PPFIA1: variants seen among roughly 807,000 people sequenced by gnomAD.
The protein encoded by PPFIA1 is liprin-alpha-1.
Under a neutral mutation model 149.9 loss-of-function variants are expected in PPFIA1, and 25 were observed. The ratio of observed to expected loss-of-function variants is 0.17; its 90% CI spans 0.12 to 0.23. The LOEUF (loss-of-function observed/expected upper bound fraction) is 0.23, where lower values mean the gene tolerates loss of function less well. Among genes scored for constraint, PPFIA1 ranks in the 10% least tolerant of loss-of-function variants. The pLI is 1.00. For missense variants in PPFIA1, 1,362 were observed against 1,506.5 expected (o/e 0.90, Z 1.59); for synonymous variants, 549 against 552.8 (o/e 0.99, Z 0.10).
chr11:70,341,008 G>T, intron 14 of PPFIA1: 1 of 351,746 alleles, frequency 2.8e-6, no homozygotes, highest in South Asian at 2.0e-5. Flanking sequence ...AGCCTTTCCA[G>T]TCCTGGTCTT....
At chr11:70,310,048 A>G (rs903314146) in intron 2 of PPFIA1, among the ~76,000 whole-genome samples, 7 of 152,224 alleles carry the variant, frequency 4.6e-5, no homozygotes, top group African/African-American at 1.7e-4. Flanking sequence ...TAAAAGCAGT[A>G]TGGTCATAAA....
chr11:70,372,511 A>T lies in PPFIA1; in HGVS notation c.3076A>T (p.Arg1026Trp), dbSNP rs375948131. The change falls in exon 23 of 28, where the codon AGG becomes TGG. Residue 1026 changes from arginine (R) to tryptophan (W), a missense_variant. Around this residue, in one of 7 missense-constraint regions of PPFIA1, gnomAD observed 349 missense variants for 373.3 expected, o/e 0.93. Coordinates refer to ENST00000253925, the MANE Select transcript of PPFIA1 (RefSeq NM_003626.5). ...SFQCGIMCLRRLNYDRKELER... is the reference protein window; with the variant it reads ...SFQCGIMCLRWLNYDRKELER... ...CCAGTGTGGAATTATGTGCCTGAGA[A>T]GGTTAAATTATGACCGGAAAGAACT... 35 of 1,613,938 alleles carry T rather than the reference A, an allele frequency of 2.2e-5. No individual in the cohort carries two copies. The highest frequency in any genetic ancestry group is 2.7e-5 in the Non-Finnish European group (32 of 1,179,932).
intron 12 of PPFIA1, among the ~76,000 whole-genome samples, chr11:70,337,972 A>G (rs574881132): frequency 2.0e-5 from 3 of 152,360 alleles, no homozygotes; most frequent in Middle Eastern, 6.8e-3. Context: ...GAGATCAAGT[A>G]TACCCATGAC....
At chr11:70,336,481 G>A (rs954197569) in intron 11 of PPFIA1, among the ~76,000 whole-genome samples, 1 of 148,526 alleles carries the variant, frequency 6.7e-6, no homozygotes. Context: ...CATTCAGCCT[G>A]TGTGACAGAG....
At chr11:70,313,487 T>C (rs914194836) in intron 2 of PPFIA1, among the ~76,000 whole-genome samples, 2 of 152,142 alleles carry the variant, frequency 1.3e-5, no homozygotes, top group Non-Finnish European at 2.9e-5. Context: ...GCAGCTTTTT[T>C]AGTAGACCAA....
At chr11:70,376,697 C>G (rs1353615751) in intron 25 of PPFIA1, 97 bp downstream of exon 25, 2 of 1,028,650 alleles carry the variant, frequency 1.9e-6, no homozygotes, top group African/African-American at 1.6e-5. Context: ...ATACTTGGGA[C>G]ATCATGTAGC....
chr11:70,307,354 A>G (rs745476505), intron 2 of PPFIA1, among the ~76,000 whole-genome samples: 2 of 152,220 alleles, frequency 1.3e-5, no homozygotes, highest in Non-Finnish European at 2.9e-5. Context: ...ATTATGATTC[A>G]TATTCTTTGT....
At chr11:70,357,511 C>CT (rs2056414000) in intron 19 of PPFIA1, among the ~76,000 whole-genome samples, 1 of 151,968 alleles carries the variant, frequency 6.6e-6, no homozygotes, top group Non-Finnish European at 1.5e-5. Context: ...TTTTGGTTCC[C>CT]TGTAAATGGA....
chr11:70,375,134 T>G, intron 24 of PPFIA1, 41 bp downstream of exon 24: 1 of 1,290,122 alleles, frequency 7.8e-7, no homozygotes, highest in Non-Finnish European at 1.0e-6. Context: ...ATTGTTCAGT[T>G]GGCACCCTGA....
At chr11:70,348,485 A>G in intron 16 of PPFIA1, 65 bp downstream of exon 16, 1 of 1,286,272 alleles carries the variant, frequency 7.8e-7, no homozygotes, top group Non-Finnish European at 1.1e-6. Flanking sequence ...CTTGGACACT[A>G]CAAATCTACC....
At chr11:70,339,955 C>T (rs1054056422) in intron 14 of PPFIA1, among the ~76,000 whole-genome samples, 3 of 151,484 alleles carry the variant, frequency 2.0e-5, no homozygotes, top group African/African-American at 4.9e-5. Flanking sequence ...GGCGTTGCAG[C>T]GAGCTGAGAA....
chr11:70,372,852 T>TCATG (rs1434291192), intron 23 of PPFIA1, among the ~76,000 whole-genome samples: 1 of 152,220 alleles, frequency 6.6e-6, no homozygotes, highest in Non-Finnish European at 1.5e-5. Context: ...TTTCCTTTGG[T>TCATG]CATGCCCTGT....
At chr11:70,277,060 A>ATATATATATATATATATTTTT in intron 2 of PPFIA1, among the ~76,000 whole-genome samples, 9 of 66,312 alleles carry the variant, frequency 1.4e-4, no homozygotes, top group African/African-American at 8.2e-4. Flanking sequence ...ATATATATAT[A>ATATATATATATATATATTTTT]TTTTTTTTTT....
intron 2 of PPFIA1, among the ~76,000 whole-genome samples, chr11:70,323,241 G>GT (rs2054062747): frequency 1.3e-5 from 2 of 152,146 alleles, no homozygotes; most frequent in African/African-American, 4.8e-5. Context: ...ATTTAAAGAG[G>GT]TTTAAATGTC....
chr11:70,287,327 G>T (rs1033504986), intron 2 of PPFIA1, among the ~76,000 whole-genome samples: 2 of 152,140 alleles, frequency 1.3e-5, no homozygotes, highest in African/African-American at 4.8e-5. Context: ...GTACAACTTT[G>T]TAAATAAGCC....
intron 2 of PPFIA1, among the ~76,000 whole-genome samples, chr11:70,287,085 T>C (rs2051196808): frequency 6.6e-6 from 1 of 152,054 alleles, no homozygotes; most frequent in Non-Finnish European, 1.5e-5. Flanking sequence ...ACTCTTGAGC[T>C]CAAGTGATTC....
intron 2 of PPFIA1, among the ~76,000 whole-genome samples, chr11:70,311,732 C>T (rs752194665): frequency 6.6e-6 from 1 of 151,376 alleles, no homozygotes; most frequent in African/African-American, 2.4e-5. Context: ...GCTGTCTTTG[C>T]ACACATTTTG....
intron 21 of PPFIA1, chr11:70,371,701 A>G (rs1278630511): frequency 1.3e-5 from 2 of 151,932 alleles, no homozygotes; most frequent in African/African-American, 4.8e-5. Context: ...ATAATTGTGA[A>G]TTTGCCTGTT....
intron 2 of PPFIA1, among the ~76,000 whole-genome samples, chr11:70,292,903 C>T (rs950500212): frequency 2.6e-5 from 4 of 152,216 alleles, no homozygotes; most frequent in African/African-American, 9.7e-5. Flanking sequence ...AGTGCACACA[C>T]TTATGGTTCT....
Sources: allele counts gnomAD v4.1 joint callset (sites outside exome capture counted in the v4.1 genomes callset), GRCh38; gene constraint gnomAD v4.1.1; regional missense constraint gnomAD v4.1.1; transcripts MANE v1.5; gene names NCBI Gene and HGNC (gene_info 2026-07-23, HGNC 2026-07-21).